GABRB3: variants seen among roughly 807,000 people sequenced by gnomAD.
The protein encoded by GABRB3 is gamma-aminobutyric acid receptor subunit beta-3.
In GABRB3, 14 loss-of-function variants were observed where a neutral mutation model predicts 52.1. The observed-to-expected ratio is 0.27, with a 90% CI of 0.18 to 0.42. The LOEUF (loss-of-function observed/expected upper bound fraction) is 0.42. GABRB3 is among the 10% of genes least tolerant of loss of function. The pLI is 1.00. For synonymous variants in GABRB3, 260 were observed against 232.3 expected (o/e 1.12, Z -1.08); for missense variants, 307 against 609.1 (o/e 0.50, Z 5.22).
At chr15:26,755,737 T>C (rs1426609395) in intron 3 of GABRB3, among the ~76,000 whole-genome samples, 1 of 152,212 alleles carries the variant, frequency 6.6e-6, no homozygotes, top group African/African-American at 2.4e-5. Context: ...CTTGGTTACA[T>C]GGATAAAAAA....
chr15:26,648,847 G>A (rs2140585246), intron 3 of GABRB3, among the ~76,000 whole-genome samples: 1 of 152,288 alleles, frequency 6.6e-6, no homozygotes, highest in South Asian at 2.1e-4. Context: ...TTGAGCAGCA[G>A]GTGGGTGGAC....
chr15:26,615,318 T>C (rs1053829173), intron 4 of GABRB3: 1 of 985,304 alleles, frequency 1.0e-6, no homozygotes, highest in Non-Finnish European at 1.2e-6. Context: ...TTATGTTTTA[T>C]TTTAGGATGG....
At chr15:26,567,861 A>C in intron 6 of GABRB3, 128 bp from the exon 7 acceptor site, 1 of 869,198 alleles carries the variant, frequency 1.2e-6, no homozygotes, top group Non-Finnish European at 1.9e-6. Context: ...CCCACCACCA[A>C]GCAGTTTGCT....
At position 26,546,984 on chromosome 15, in the gene GABRB3, GTGT is replaced by G. The variant is rs1197834394; in HGVS notation, c.*806_*808del. On this transcript the variant is annotated 3_prime_UTR_variant, in exon 9 of 9. Transcript: ENST00000311550. Reference sequence around the variant, plus strand: ...AATGTCACTGGCCAAACGTGTCACTGTGTTCGCACATGACAGTGAAGCTGGATC... The same window carrying G: ...AATGTCACTGGCCAAACGTGTCACTGTCGCACATGACAGTGAAGCTGGATC... 1 of 151,664 alleles carries G rather than the reference GTGT, an allele frequency of 6.6e-6. No individual in the cohort carries two copies. Among genetic ancestry groups the G allele is most frequent in the African/African-American group, 2.4e-5 (1 of 41,244 alleles). 9.4% of individuals were successfully genotyped at this position (151,664 alleles called of 1,614,324 possible).
At chr15:26,549,489 G>A (rs908038642) in intron 8 of GABRB3, among the ~76,000 whole-genome samples, 2 of 152,146 alleles carry the variant, frequency 1.3e-5, no homozygotes, top group Admixed American at 6.5e-5. Flanking sequence ...TATGCTTGGG[G>A]AAAGTGAGGT....
chr15:26,556,973 G>T lies in GABRB3; in HGVS notation c.1080+3959C>A, dbSNP rs1374058747. On this transcript the variant is annotated intron_variant, in intron 8 of 8. Transcript: ENST00000311550. ...GCCACACTGAGATGCAATCCCAGGT[G>T]CTATCCCTGACACATCACAGCATTA... 3.3e-5 allele frequency among the ~76,000 whole-genome samples: 5 copies of T among 152,166 alleles called. 1 individual carries two copies. The South Asian group carries it at 1.0e-3, about 32-fold the overall frequency.
intron 3 of GABRB3, among the ~76,000 whole-genome samples, chr15:26,733,053 A>G (rs756814044): frequency 2.0e-5 from 3 of 152,042 alleles, no homozygotes; most frequent in African/African-American, 4.8e-5. Flanking sequence ...ATCACACTCA[A>G]TGCTGAAAAA....
intron 3 of GABRB3, among the ~76,000 whole-genome samples, chr15:26,736,364 A>G (rs1010767515): frequency 6.6e-6 from 1 of 152,244 alleles, no homozygotes; most frequent in Non-Finnish European, 1.5e-5. Flanking sequence ...TACACTATTC[A>G]ATAACATGAT....
At chr15:26,745,415 A>G (rs775528959) in intron 3 of GABRB3, among the ~76,000 whole-genome samples, 42 of 152,266 alleles carry the variant, frequency 2.8e-4, no homozygotes, top group Middle Eastern at 3.4e-3. Flanking sequence ...CAATATCAAA[A>G]CCAGGAAAGT....
Position 26,719,755 on chromosome 15 carries a change from A to G in GABRB3, c.240+52647T>C, listed in dbSNP as rs568423014. Among the ~76,000 whole-genome samples, 193 of 152,326 alleles carry G rather than the reference A, an allele frequency of 1.3e-3. 1 individual carries two copies. The highest frequency in any genetic ancestry group is 4.1e-3 in the South Asian group (20 of 4,826). On this transcript the variant is annotated intron_variant, in intron 3 of 8. Coordinates refer to ENST00000311550, the MANE Select transcript of GABRB3 (RefSeq NM_000814.6). Reference sequence around the variant, plus strand: ...GCTCTGAATATTAACTTCACAAGCCAGTTGAAGAAATTAGGACAATAAGAG... The same window carrying G: ...GCTCTGAATATTAACTTCACAAGCCGGTTGAAGAAATTAGGACAATAAGAG...
rs546376643 is a variant in GABRB3 at position 26,737,340 on chromosome 15, C to T, written c.240+35062G>A. 3.0e-4 allele frequency among the ~76,000 whole-genome samples: 46 copies of T among 152,252 alleles called. 1 individual carries two copies. The highest frequency in any genetic ancestry group is 3.4e-3 in the Middle Eastern group (1 of 294). On this transcript the variant is annotated intron_variant, in intron 3 of 8. Coordinates refer to ENST00000311550, the MANE Select transcript of GABRB3 (RefSeq NM_000814.6). ...CACCAAAGTGATTTGAAATCAGGTG[C>T]GTTTTGTTTCTTTGACTATATAAAT...
At chr15:26,761,751 G>C (rs1002864542) in intron 3 of GABRB3, among the ~76,000 whole-genome samples, 3 of 152,094 alleles carry the variant, frequency 2.0e-5, no homozygotes, top group Non-Finnish European at 4.4e-5. Flanking sequence ...TCAGGGAGCC[G>C]TATTTTGTTC....
intron 8 of GABRB3, among the ~76,000 whole-genome samples, chr15:26,550,566 AT>A (rs1438615642): frequency 3.9e-5 from 6 of 152,250 alleles, no homozygotes; most frequent in African/African-American, 1.4e-4. Context: ...TACAGCCATT[AT>A]GGAAAACAGT....
At chr15:26,719,729 A>C (rs1464572797) in intron 3 of GABRB3, among the ~76,000 whole-genome samples, 1 of 152,216 alleles carries the variant, frequency 6.6e-6, no homozygotes, top group Non-Finnish European at 1.5e-5. Context: ...AAGAATGGTC[A>C]GCTCTGAATA....
At chr15:26,665,237 T>C (rs1192943595) in intron 3 of GABRB3, among the ~76,000 whole-genome samples, 1 of 152,218 alleles carries the variant, frequency 6.6e-6, no homozygotes, top group African/African-American at 2.4e-5. Flanking sequence ...ATGACCACTT[T>C]ATCCCTCACT....
At chr15:26,671,807 G>A (rs886402845) in intron 3 of GABRB3, among the ~76,000 whole-genome samples, 1 of 152,112 alleles carries the variant, frequency 6.6e-6, no homozygotes, top group African/African-American at 2.4e-5. Flanking sequence ...AGTGCCACGG[G>A]GGGACAAGGT....
chr15:26,689,665 GCAT>G (rs1308544725), intron 3 of GABRB3, among the ~76,000 whole-genome samples: 1 of 152,034 alleles, frequency 6.6e-6, no homozygotes, highest in Non-Finnish European at 1.5e-5. Context: ...CCCTCACTGT[GCAT>G]CCATGTCAAC....
chr15:26,577,334 G>A (rs893362435), intron 6 of GABRB3, among the ~76,000 whole-genome samples: 5 of 152,040 alleles, frequency 3.3e-5, no homozygotes, highest in Non-Finnish European at 5.9e-5. Context: ...CCAACACAGC[G>A]AAACCCCGTC....
rs59227410 is a variant in GABRB3 at position 26,739,893 on chromosome 15, A to G, written c.240+32509T>C. On this transcript the variant is annotated intron_variant, in intron 3 of 8. Coordinates refer to ENST00000311550, the MANE Select transcript of GABRB3 (RefSeq NM_000814.6). ...TGGGGTTAAGATAAAATCCATTCTTATCTTCAGAAAACAAAAGGGGCTGCA... is the reference window on the plus strand; with the variant it reads ...TGGGGTTAAGATAAAATCCATTCTTGTCTTCAGAAAACAAAAGGGGCTGCA... 7.9e-5 allele frequency among the ~76,000 whole-genome samples: 12 copies of G among 152,270 alleles called. No individual in the cohort carries two copies. The East Asian group carries it at 1.4e-3, about 17-fold the overall frequency.
Sources: allele counts gnomAD v4.1 joint callset (sites outside exome capture counted in the v4.1 genomes callset), GRCh38; gene constraint gnomAD v4.1.1; transcripts MANE v1.5; gene names NCBI Gene and HGNC (gene_info 2026-07-23, HGNC 2026-07-21).